Variants in ACP6 observed in about 807,000 individuals in gnomAD.
ACP6 encodes lysophosphatidic acid phosphatase type 6.
Under a neutral mutation model 48.1 loss-of-function variants are expected in ACP6, and 48 were observed. The observed-to-expected ratio is 1.00, with a 90% CI of 0.79 to 1.27. The LOEUF (loss-of-function observed/expected upper bound fraction) is 1.27, where lower values mean the gene tolerates loss of function less well. Among genes scored for constraint, ACP6 ranks in the 50% most tolerant of loss-of-function variants. ACP6 has a pLI of 0.00. For missense variants in ACP6, 485 were observed against 529.1 expected, an observed-to-expected ratio of 0.92 and a Z score of 0.82; for synonymous variants, 172 against 204.2, an observed-to-expected ratio of 0.84 and a Z score of 1.34.
At chr1:147,667,342 CG>C (rs1466730566) in intron 1 of ACP6, among the ~76,000 whole-genome samples, 4 of 151,998 alleles carry the variant, frequency 2.6e-5, no homozygotes, top group African/African-American at 9.7e-5. Context: ...CTCAGCCTCC[CG>C]AGTAGCTGGG....
intron 5 of ACP6, among the ~76,000 whole-genome samples, chr1:147,633,843 C>T (rs1436498955): frequency 1.4e-5 from 2 of 146,840 alleles, no homozygotes; most frequent in South Asian, 2.1e-4. Flanking sequence ...TTTTTTCACC[C>T]ATTTAAAAAA....
Position 147,634,716 on chromosome 1 carries a change from T to G in ACP6, c.461-3651A>C, listed in dbSNP as rs145957047. Among the ~76,000 whole-genome samples the G allele has an allele frequency of 5.2e-3, 797 of 152,342 alleles. 3 individuals are homozygous for G. Among genetic ancestry groups the G allele is most frequent in the African/African-American group, 0.018 (767 of 41,578 alleles). ...CCTATTGAGTAATTGGCTCTTTGAT[T>G]GATTCATCAGTCTCTACAAGGCTAG... is the stretch of plus-strand genomic sequence containing the variant. On this transcript the variant is annotated intron_variant, in intron 5 of 5. Coordinates refer to the ACP6 transcript ENST00000609196.
At chr1:147,647,925 AC>A in intron 9 of ACP6, 1 of 482,256 alleles carries the variant, frequency 2.1e-6, no homozygotes, top group Non-Finnish European at 3.7e-6. Flanking sequence ...TCCCAAAGAT[AC>A]CACCAACAAT....
chr1:147,651,698 C>T (rs1553210589), intron 7 of ACP6: 2 of 152,098 alleles, frequency 1.3e-5, no homozygotes, highest in African/African-American at 4.8e-5. Context: ...CAGTCAGGGG[C>T]TCTTATCCTT....
Position 147,650,213 on chromosome 1 carries a change from G to T in ACP6, c.907C>A (p.Pro303Thr). 1.2e-6 allele frequency: 2 copies of T among 1,602,054 alleles called. No homozygotes were observed. Among genetic ancestry groups the T allele is most frequent in the East Asian group, 4.6e-5 (2 of 43,896 alleles). ...TTGCTCTCTAGGATGTGGAGGAATGGGCCTACTGCCATCTGAAGACTTTCC... is the reference window on the plus strand; with the variant it reads ...TTGCTCTCTAGGATGTGGAGGAATGTGCCTACTGCCATCTGAAGACTTTCC... ...DRESLQMAVG[P>T]FLHILESNLL... Residue 303 changes from proline (P) to threonine (T), a missense_variant, in exon 8 of 10, where the codon CCA (proline) becomes ACA (threonine). Pro to Thr is a conservative substitution (Grantham distance 38). Coordinates refer to ENST00000583509, the MANE Select transcript of ACP6 (RefSeq NM_016361.5).
rs1449515074 is a variant in ACP6 at position 147,670,073 on chromosome 1, G to A, written c.-25C>T. The A allele has an allele frequency of 2.0e-6, 3 of 1,477,982 alleles. No individual in the cohort carries two copies. The highest frequency in any genetic ancestry group is 2.7e-6 in the Non-Finnish European group (3 of 1,104,720). 91.6% of individuals were successfully genotyped at this position (1,477,982 alleles called of 1,614,324 possible). On this transcript the variant is annotated 5_prime_UTR_variant, in exon 1 of 10. Coordinates refer to ENST00000583509, the MANE Select transcript of ACP6 (RefSeq NM_016361.5). ...TGGTGGTAGGCCCTCGCTGCCCTCC[G>A]GGTTGAGGCTGCAGGAGGCAAACAC...
At chr1:147,668,314 C>T (rs1326192825) in intron 1 of ACP6, among the ~76,000 whole-genome samples, 1 of 152,068 alleles carries the variant, frequency 6.6e-6, no homozygotes, top group East Asian at 1.9e-4. Context: ...TAAGCTACAA[C>T]GGACCTTTCA....
At chr1:147,636,673 G>A (rs1953977) in intron 5 of ACP6, among the ~76,000 whole-genome samples, 14,116 of 152,182 alleles carry the variant, frequency 0.093, 1,932 homozygotes, top group African/African-American at 0.3. Context: ...AACTGTTATC[G>A]GACAACATGT....
chr1:147,637,518 CTCTGCTACCAAG>C (rs1659328597), downstream of ACP6, among the ~76,000 whole-genome samples: 1 of 152,196 alleles, frequency 6.6e-6, no homozygotes, highest in African/African-American at 2.4e-5. Context: ...GCTTGTCTAG[CTCTGCTACCAAG>C]TCTGGCTCTC....
chr1:147,658,838 G>A, intron 4 of ACP6, 122 bp downstream of exon 4: 1 of 899,384 alleles, frequency 1.1e-6, no homozygotes, highest in South Asian at 1.8e-5. Context: ...GTACACACTG[G>A]AAGTCACACA....
At chr1:147,655,930 T>TCCTAAC (rs1553211539) in intron 4 of ACP6, among the ~76,000 whole-genome samples, 2 of 152,166 alleles carry the variant, frequency 1.3e-5, no homozygotes, top group East Asian at 3.9e-4. Flanking sequence ...CTTTGCTCTG[T>TCCTAAC]GTCAGAGATG....
At chr1:147,653,544 C>A (rs1660073754) in intron 6 of ACP6, among the ~76,000 whole-genome samples, 1 of 152,120 alleles carries the variant, frequency 6.6e-6, no homozygotes, top group Non-Finnish European at 1.5e-5. Context: ...CATACAAATA[C>A]ATGATATGAA....
rs1553211199 is a variant in ACP6 at position 147,654,331 on chromosome 1, C to CA, written c.648-6dup. ...GAGGCAGTCTGCCTCCGGCCTCTGA[C>CA]AAAAAATAAAAAGTAAAGCCTTATA... is the stretch of plus-strand genomic sequence containing the variant. On this transcript the variant is annotated splice_polypyrimidine_tract_variant and splice_region_variant and intron_variant, in intron 5 of 9. Transcript: ENST00000583509. 2 of 1,612,120 alleles carry CA rather than the reference C, an allele frequency of 1.2e-6. No homozygotes were observed. The highest frequency in any genetic ancestry group is 2.2e-5 in the East Asian group (1 of 44,884).
At position 147,644,807 on chromosome 1, in the gene ACP6, G is replaced by A. The variant is rs1457480464; in HGVS notation, c.*2616C>T. The A allele has an allele frequency of 6.6e-6, 1 of 151,934 alleles. No individual in the cohort carries two copies. Among genetic ancestry groups the A allele is most frequent in the African/African-American group, 2.4e-5 (1 of 41,416 alleles). 9.4% of individuals were successfully genotyped at this position (151,934 alleles called of 1,614,324 possible). On this transcript the variant is annotated 3_prime_UTR_variant, in exon 10 of 10. Coordinates refer to ENST00000583509, the MANE Select transcript of ACP6 (RefSeq NM_016361.5). ...GAAGGAGTAAGTTTGAAAAGGCACG[G>A]AAATTGAGAGTTTATTGTGGACAAT... is the stretch of plus-strand genomic sequence containing the variant.
intron 8 of ACP6, 116 bp downstream of exon 8, chr1:147,650,027 C>T (rs1659834700): frequency 1.2e-6 from 1 of 807,884 alleles, no homozygotes; most frequent in Non-Finnish European, 2.0e-6. Context: ...TGTTAAACAT[C>T]TACCTTCGGT....
At chr1:147,657,516 G>T (rs587603805) in intron 4 of ACP6, among the ~76,000 whole-genome samples, 1 of 152,264 alleles carries the variant, frequency 6.6e-6, no homozygotes, top group Admixed American at 6.5e-5. Context: ...CGCCTCCCGA[G>T]TTCAAACGAT....
chr1:147,655,486 C>T lies in ACP6; in HGVS notation c.560-238G>A, dbSNP rs75106646. ...GTGGCAGCAGCCTTGTTCTGTCTAGCGCAAGCCCTCCTATCGGGCCACAAA... is the reference window on the plus strand; with the variant it reads ...GTGGCAGCAGCCTTGTTCTGTCTAGTGCAAGCCCTCCTATCGGGCCACAAA... On this transcript the variant is annotated intron_variant, in intron 4 of 9. Coordinates refer to ENST00000583509, the MANE Select transcript of ACP6 (RefSeq NM_016361.5). Among the ~76,000 whole-genome samples, 1,252 of 152,290 alleles carry T rather than the reference C, an allele frequency of 8.2e-3. 11 individuals are homozygous for T. The highest frequency in any genetic ancestry group is 0.014 in the Non-Finnish European group (922 of 68,018).
At chr1:147,632,194 A>AACACACACACACACACACACACACAC (rs71584653) in intron 5 of ACP6, among the ~76,000 whole-genome samples, 1 of 145,930 alleles carries the variant, frequency 6.9e-6, no homozygotes, top group African/African-American at 2.6e-5. Context: ...ACCTATGCCC[A>AACACACACACACACACACACACACAC]ACACACACAC....
chr1:147,663,672 A>T (rs1570979614), intron 1 of ACP6, among the ~76,000 whole-genome samples: 1 of 151,818 alleles, frequency 6.6e-6, no homozygotes, highest in South Asian at 2.1e-4. Context: ...AAGGACTTCT[A>T]CCCCCTTTGT....
Sources: allele counts gnomAD v4.1 joint callset (sites outside exome capture counted in the v4.1 genomes callset), GRCh38; gene constraint gnomAD v4.1.1; transcripts MANE v1.5; gene names NCBI Gene and HGNC (gene_info 2026-07-23, HGNC 2026-07-21).